SULT1E1: variants seen among roughly 807,000 people sequenced by gnomAD.
SULT1E1 encodes the protein sulfotransferase 1E1.
Under a neutral mutation model 33.6 loss-of-function variants are expected in SULT1E1, and 36 were observed. That is an observed-to-expected ratio of 1.07 (90% CI 0.82 to 1.41). SULT1E1 has a LOEUF of 1.41. Among genes scored for constraint, SULT1E1 ranks in the 40% most tolerant of loss-of-function variants. The pLI is 0.00. For synonymous variants in SULT1E1, 121 were observed against 111.7 expected, an observed-to-expected ratio of 1.08 and a Z score of -0.53; for missense variants, 371 against 345.7, an observed-to-expected ratio of 1.07 and a Z score of -0.58.
rs1459848203 is a variant in SULT1E1 at position 69,860,133 on chromosome 4, G to A, written c.-94C>T. On this transcript the variant is annotated 5_prime_UTR_variant, in exon 1 of 8. Coordinates refer to ENST00000226444, the MANE Select transcript of SULT1E1 (RefSeq NM_005420.3). ...CAGATCTTAAGCTGCAAAAAAAGATGAGAACCACTTCTGCATTTGGAATGT... is the reference window on the plus strand; with the variant it reads ...CAGATCTTAAGCTGCAAAAAAAGATAAGAACCACTTCTGCATTTGGAATGT... 1.3e-5 allele frequency: 2 copies of A among 152,098 alleles called. No homozygotes were observed. Among genetic ancestry groups the A allele is most frequent in the Non-Finnish European group, 2.9e-5 (2 of 67,986 alleles). 9.4% of individuals were successfully genotyped at this position (152,098 alleles called of 1,614,324 possible).
the SULT1E1 span, among the ~76,000 whole-genome samples, chr4:69,822,445 C>T: frequency 6.6e-6 from 1 of 152,046 alleles, no homozygotes; most frequent in Non-Finnish European, 1.5e-5. Flanking sequence ...CATCTCTACA[C>T]AAAATACTAA....
the SULT1E1 span, among the ~76,000 whole-genome samples, chr4:69,825,666 A>G: frequency 6.6e-6 from 1 of 152,136 alleles, no homozygotes; most frequent in East Asian, 1.9e-4. Flanking sequence ...TTCTGGGCTG[A>G]GCCGAGTGTC....
intron 7 of SULT1E1, among the ~76,000 whole-genome samples, chr4:69,842,690 T>C (rs1274896750): frequency 6.6e-6 from 1 of 152,228 alleles, no homozygotes; most frequent in Non-Finnish European, 1.5e-5. Flanking sequence ...AGGCTTTCTT[T>C]ATATCTACTG....
rs777048324 is a variant in SULT1E1, at chr4:69,841,977, A to G, written c.*17T>C. 7.4e-7 allele frequency: 1 copy of G among 1,359,932 alleles called. No individual in the cohort carries two copies. The allele number at this position is 1,359,932 out of a possible 1,614,324, so 84.2% of individuals were successfully genotyped here. A position where few individuals can be genotyped will look rare whatever the true frequency, so the allele number is the denominator to read the frequency against. ...GAAATCTTTAATATCAGATATGTTA[A>G]GTAAAGAAAGACCTTCTTAGATCTC... On this transcript the variant is annotated 3_prime_UTR_variant, in exon 8 of 8. Transcript: ENST00000226444.
At chr4:69,846,210 C>G (rs1226514559) in intron 6 of SULT1E1, among the ~76,000 whole-genome samples, 1 of 146,334 alleles carries the variant, frequency 6.8e-6, no homozygotes, top group Non-Finnish European at 1.5e-5. Context: ...TTACCTACTA[C>G]TTAACTTATG....
chr4:69,828,849 C>A, the SULT1E1 span, among the ~76,000 whole-genome samples: 2 of 152,160 alleles, frequency 1.3e-5, no homozygotes, highest in African/African-American at 2.4e-5. Context: ...GTGCAGGAGT[C>A]CCCTGATAGC....
chr4:69,842,261 T>C (rs1039839248), intron 7 of SULT1E1, among the ~76,000 whole-genome samples, 155 bp from the exon 8 acceptor site: 1 of 152,234 alleles, frequency 6.6e-6, no homozygotes, highest in Non-Finnish European at 1.5e-5. Flanking sequence ...ATATACTTTT[T>C]TGGGCTTACA....
chr4:69,846,693 G>A (rs932871400), intron 6 of SULT1E1, among the ~76,000 whole-genome samples: 2 of 151,658 alleles, frequency 1.3e-5, no homozygotes, highest in Non-Finnish European at 3.0e-5. Context: ...ATAATGACAA[G>A]TTGTTTCCAG....
intron 6 of SULT1E1, 21 bp from the exon 7 acceptor site, chr4:69,844,362 G>C: frequency 6.4e-7 from 1 of 1,572,842 alleles, no homozygotes. Context: ...AAAATGTTTT[G>C]AGAACTAAAT....
In SULT1E1 at chr4:69,841,987, G is replaced by T. The variant is rs760155874; in HGVS notation, c.*7C>A. 8 of 1,480,460 alleles carry T rather than the reference G, an allele frequency of 5.4e-6. No homozygotes were observed. Among genetic ancestry groups the T allele is most frequent in the Non-Finnish European group, 7.5e-6 (8 of 1,071,922 alleles). 91.7% of individuals were successfully genotyped at this position (1,480,460 alleles called of 1,614,324 possible). A position where few individuals can be genotyped will look rare whatever the true frequency, so the allele number is the denominator to read the frequency against. On this transcript the variant is annotated 3_prime_UTR_variant, in exon 8 of 8. Transcript: ENST00000226444. ...ATATCAGATATGTTAAGTAAAGAAA[G>T]ACCTTCTTAGATCTCAGTTCGAAAC...
chr4:69,840,919 G>A (rs1047673268), downstream of SULT1E1, among the ~76,000 whole-genome samples: 6 of 152,136 alleles, frequency 3.9e-5, no homozygotes, highest in Admixed American at 3.3e-4. Context: ...GGTGGCGGCC[G>A]CCTGTAGTCC....
intron 2 of SULT1E1, 96 bp downstream of exon 2, chr4:69,857,404 T>A: frequency 7.0e-7 from 1 of 1,424,246 alleles, no homozygotes; most frequent in South Asian, 1.5e-5. Context: ...GTTCTTAATA[T>A]AGAGAATGAG....
At chr4:69,856,597 T>C (rs556416581) in intron 2 of SULT1E1, among the ~76,000 whole-genome samples, 1 of 152,302 alleles carries the variant, frequency 6.6e-6, no homozygotes, top group Admixed American at 6.5e-5. Context: ...TGCTGCCATT[T>C]ATTCCAATAG....
Position 69,859,774 on chromosome 4 carries a change from C to T in SULT1E1, c.-10+275G>A, listed in dbSNP as rs551207577. On this transcript the variant is annotated intron_variant, in intron 1 of 7. Coordinates refer to ENST00000226444, the MANE Select transcript of SULT1E1 (RefSeq NM_005420.3). ...TTTCTCATTGGTAAAATGGAGAACACGTCCAGCATTCAGCACTTTTAAGAT... is the reference window on the plus strand; with the variant it reads ...TTTCTCATTGGTAAAATGGAGAACATGTCCAGCATTCAGCACTTTTAAGAT... Among the ~76,000 whole-genome samples, 74 of 152,172 alleles carry T rather than the reference C, an allele frequency of 4.9e-4. 1 individual carries two copies. The highest frequency in any genetic ancestry group is 1.1e-3 in the African/African-American group (45 of 41,542).
intron 2 of SULT1E1, among the ~76,000 whole-genome samples, chr4:69,857,146 T>C (rs774117064): frequency 9.9e-5 from 15 of 151,824 alleles, no homozygotes; most frequent in Non-Finnish European, 1.8e-4. Flanking sequence ...TGAAAGAGAG[T>C]TTTAGAGTAC....
chr4:69,844,494 C>T (rs1421037709), intron 6 of SULT1E1, among the ~76,000 whole-genome samples, 153 bp from the exon 7 acceptor site: 3 of 152,034 alleles, frequency 2.0e-5, no homozygotes, highest in Non-Finnish European at 1.5e-5. Flanking sequence ...TTTATAAAAG[C>T]TGTTTTAAGT....
chr4:69,847,737 A>C lies in SULT1E1; in HGVS notation c.552T>G (p.Ser184Arg), dbSNP rs1721008667. 4.3e-6 allele frequency: 7 copies of C among 1,609,280 alleles called. No individual in the cohort carries two copies. Reference protein sequence around the residue: ...HVKSWWEKGKSPRVLFLFYED... With the variant: ...HVKSWWEKGKRPRVLFLFYED... ...CGTAGAAAAGAAATAGTACACGTGG[A>C]CTCTTTCCCTTTTCCCACCAAGATT... Residue 184 changes from serine (S) to arginine (R), a missense_variant, in exon 6 of 8, where the codon AGT (serine) becomes AGG (arginine). Transcript: ENST00000226444.
the SULT1E1 span, among the ~76,000 whole-genome samples, chr4:69,821,537 A>C: frequency 6.6e-6 from 1 of 152,170 alleles, no homozygotes; most frequent in Non-Finnish European, 1.5e-5. Context: ...GCTTTTCTTC[A>C]CTTTTCTCCT....
intron 2 of SULT1E1, 103 bp from the exon 3 acceptor site, chr4:69,855,529 A>G (rs1184813000): frequency 1.7e-6 from 2 of 1,204,522 alleles, no homozygotes; most frequent in Non-Finnish European, 2.3e-6. Flanking sequence ...CCAATGCAAT[A>G]CTATTTAAAG....
Sources: allele counts gnomAD v4.1 joint callset (sites outside exome capture counted in the v4.1 genomes callset), GRCh38; gene constraint gnomAD v4.1.1; transcripts MANE v1.5; gene names NCBI Gene and HGNC (gene_info 2026-07-23, HGNC 2026-07-21).